The following GASK1B variants were observed in gnomAD, a reference collection of about 807,000 sequenced individuals.
GASK1B encodes the protein Golgi-associated kinase 1B.
GASK1B carries 34 observed loss-of-function variants against 42.8 expected under a neutral mutation model. That is an observed-to-expected ratio of 0.79 (90% CI 0.60 to 1.06). GASK1B has a LOEUF of 1.06. GASK1B is among the 50% of genes least tolerant of loss of function. GASK1B has a pLI of 0.00. For synonymous variants in GASK1B, 262 were observed against 259.1 expected (o/e 1.01, Z -0.11); for missense variants, 686 against 661.0 (o/e 1.04, Z -0.42).
chr4:158,172,420 A>G (rs1579060273), intron 1 of GASK1B: 2 of 152,232 alleles, frequency 1.3e-5, no homozygotes, highest in African/African-American at 4.8e-5. Context: ...GAGGCATGTA[A>G]GTAGAACATA....
intron 3 of GASK1B, among the ~76,000 whole-genome samples, chr4:158,143,553 A>T (rs1373043337): frequency 2.0e-5 from 3 of 152,300 alleles, no homozygotes; most frequent in Non-Finnish European, 4.4e-5. Flanking sequence ...CTGAGGTAAC[A>T]TTAATAGAAA....
intron 3 of GASK1B, among the ~76,000 whole-genome samples, chr4:158,136,325 G>A (rs541030897): frequency 1.3e-4 from 19 of 151,986 alleles, no homozygotes; most frequent in African/African-American, 3.9e-4. Flanking sequence ...AGTTCAAATC[G>A]AGCCTGGGCA....
At chr4:158,129,074 T>G (rs1364961842) in intron 4 of GASK1B, among the ~76,000 whole-genome samples, 1 of 152,210 alleles carries the variant, frequency 6.6e-6, no homozygotes, top group East Asian at 1.9e-4. Context: ...GTAGGAATAT[T>G]CAGTGCATAA....
At chr4:158,153,563 A>G (rs1018469842) in intron 3 of GASK1B, among the ~76,000 whole-genome samples, 3 of 152,216 alleles carry the variant, frequency 2.0e-5, no homozygotes. Context: ...GACTAAGCAA[A>G]AAGAACAAAT....
At chr4:158,136,627 A>G (rs1730902381) in intron 3 of GASK1B, among the ~76,000 whole-genome samples, 1 of 152,224 alleles carries the variant, frequency 6.6e-6, no homozygotes, top group Non-Finnish European at 1.5e-5. Flanking sequence ...GTTAAATTAG[A>G]TAAACTTCTG....
intron 2 of GASK1B, among the ~76,000 whole-genome samples, chr4:158,158,389 T>C (rs183371884): frequency 6.6e-6 from 1 of 152,214 alleles, no homozygotes; most frequent in Non-Finnish European, 1.5e-5. Context: ...TTCTAGAACC[T>C]GCAGCTACAT....
At chr4:158,164,412 C>A (rs926674270) in intron 2 of GASK1B, among the ~76,000 whole-genome samples, 1 of 152,096 alleles carries the variant, frequency 6.6e-6, no homozygotes, top group Non-Finnish European at 1.5e-5. Context: ...GAAGGTTGCC[C>A]GGTTCCCCGT....
At chr4:158,169,541 T>C (rs1460628522) in intron 2 of GASK1B, 2 of 152,226 alleles carry the variant, frequency 1.3e-5, no homozygotes, top group Non-Finnish European at 2.9e-5. Context: ...CATGGTAACA[T>C]GGAGAAAGTT....
intron 2 of GASK1B, among the ~76,000 whole-genome samples, chr4:158,160,958 G>C (rs974045582): frequency 1.3e-5 from 2 of 152,050 alleles, no homozygotes; most frequent in East Asian, 3.9e-4. Flanking sequence ...GCTGGGAGAG[G>C]GGGTTAGATG....
At chr4:158,137,940 C>A (rs1053774980) in intron 3 of GASK1B, among the ~76,000 whole-genome samples, 2 of 152,140 alleles carry the variant, frequency 1.3e-5, no homozygotes, top group African/African-American at 4.8e-5. Flanking sequence ...GTGCCTCTGC[C>A]TCTGTAAAGA....
At position 158,171,619 on chromosome 4, in the gene GASK1B, G is replaced by C. The variant is rs986548678; in HGVS notation, c.-224-20C>G. 1 of 387,600 alleles carries C rather than the reference G, an allele frequency of 2.6e-6. No individual in the cohort carries two copies. The highest frequency in any genetic ancestry group is 1.1e-4 in the South Asian group (1 of 8,944). The allele number at this position is 387,600 out of a possible 1,614,324, so 24.0% of individuals were successfully genotyped here. A position where few individuals can be genotyped will look rare whatever the true frequency, so the allele number is the denominator to read the frequency against. On this transcript the variant is annotated intron_variant, in intron 1 of 4. Coordinates refer to ENST00000585682, the MANE Select transcript of GASK1B (RefSeq NM_001128424.2). The stretch of plus-strand genomic sequence containing the variant: ...TTGTTTCTGGGAATGAATGGATACA[G>C]AGTTAACTGAGTCACAATTTCAAAC...
intron 1 of GASK1B, among the ~76,000 whole-genome samples, chr4:158,172,092 T>G (rs1732570797): frequency 6.6e-6 from 1 of 152,186 alleles, no homozygotes; most frequent in African/African-American, 2.4e-5. Context: ...TAGCTTACAT[T>G]GTTAGTATAA....
At chr4:158,138,642 T>C (rs1180465038) in intron 3 of GASK1B, among the ~76,000 whole-genome samples, 3 of 151,988 alleles carry the variant, frequency 2.0e-5, no homozygotes, top group Non-Finnish European at 4.4e-5. Flanking sequence ...ATCAATTTTT[T>C]TCTATAATAT....
intron 2 of GASK1B, among the ~76,000 whole-genome samples, chr4:158,160,393 C>A (rs1163695091): frequency 1.3e-5 from 2 of 152,002 alleles, no homozygotes; most frequent in African/African-American, 4.8e-5. Context: ...ATTAAAACCA[C>A]AATAAGATAT....
At chr4:158,149,861 G>A (rs969255774) in intron 3 of GASK1B, among the ~76,000 whole-genome samples, 2 of 143,714 alleles carry the variant, frequency 1.4e-5, no homozygotes, top group Non-Finnish European at 3.0e-5. Flanking sequence ...CATTGGACAA[G>A]TTAGATAACT....
At chr4:158,147,464 C>T (rs369800391) in intron 3 of GASK1B, among the ~76,000 whole-genome samples, 61 of 152,018 alleles carry the variant, frequency 4.0e-4, no homozygotes, top group African/African-American at 1.4e-3. Context: ...GTTAGCCAGG[C>T]ATGGTGGTGC....
chr4:158,147,506 A>G (rs1579027024), intron 3 of GASK1B, among the ~76,000 whole-genome samples: 1 of 151,950 alleles, frequency 6.6e-6, no homozygotes, highest in African/African-American at 2.4e-5. Flanking sequence ...CAGGAGGCTG[A>G]GGCAAGATGA....
intron 4 of GASK1B, among the ~76,000 whole-genome samples, chr4:158,130,414 C>T (rs967375304): frequency 6.6e-6 from 1 of 152,160 alleles, no homozygotes; most frequent in Non-Finnish European, 1.5e-5. Context: ...TTCCCATGTC[C>T]TATCTTATGC....
Position 158,127,488 on chromosome 4 carries a change from G to A in GASK1B, c.1479C>T (p.Ile493=), listed in dbSNP as rs771009632. 3.7e-5 allele frequency: 60 copies of A among 1,613,670 alleles called. 1 individual carries two copies. In the South Asian group the frequency reaches 5.6e-4, roughly 15 times the overall value. Residue 493 remains isoleucine, a synonymous_variant, in exon 5 of 5, where the codon ATC becomes ATT. Coordinates refer to ENST00000585682, the MANE Select transcript of GASK1B (RefSeq NM_001128424.2). ...QGGRQGIEKL[I]DVIEHRAKIL... ...TTTTGGCTCTGTGTTCTATTACATC[G>A]ATAAGCTTTTCAATTCCTTGTCTAC...
Sources: gnomAD v4.1 joint callset for allele counts (sites outside exome capture counted in the v4.1 genomes callset) on GRCh38, gnomAD v4.1.1 for gene constraint, MANE v1.5 for transcripts, NCBI Gene and HGNC (gene_info 2026-07-23, HGNC 2026-07-21) for gene names.